The following KCNA3 variants were observed in gnomAD, a reference collection of about 807,000 sequenced individuals.
The protein encoded by KCNA3 is RP11-284N8.3.
A neutral mutation model predicts 34.3 loss-of-function variants in KCNA3; 18 were observed. The observed-to-expected ratio is 0.52, with a 90% CI of 0.36 to 0.78. KCNA3 has a LOEUF of 0.78. Among genes scored for constraint, KCNA3 ranks in the 30% least tolerant of loss-of-function variants. The pLI is 0.00. For missense variants in KCNA3, 587 were observed against 802.5 expected, an observed-to-expected ratio of 0.73 and a Z score of 3.24; for synonymous variants, 324 against 351.7, an observed-to-expected ratio of 0.92 and a Z score of 0.88.
At chr1:110,666,007 G>T in the KCNA3 span, among the ~76,000 whole-genome samples, 1 of 152,152 alleles carries the variant, frequency 6.6e-6, no homozygotes, top group Non-Finnish European at 1.5e-5. Context: ...GGGAGAGATA[G>T]TCCCCACTCT....
chr1:110,665,984 A>G, the KCNA3 span, among the ~76,000 whole-genome samples: 1 of 152,220 alleles, frequency 6.6e-6, no homozygotes, highest in African/African-American at 2.4e-5. Flanking sequence ...GAAGGGATTC[A>G]GTGGTGAACA....
chr1:110,672,941 A>G lies in KCNA3; in HGVS notation c.*141T>C, dbSNP rs1292874763. On this transcript the variant is annotated 3_prime_UTR_variant, in exon 1 of 1. Coordinates refer to ENST00000369769, the MANE Select transcript of KCNA3 (RefSeq NM_002232.5). The stretch of plus-strand genomic sequence containing the variant: ...TGTTTCAGTATGAAGCAGCAGGGAG[A>G]GGGAGAATGAAGTGTGCTTTCCACT... 2 of 818,702 alleles carry G rather than the reference A, an allele frequency of 2.4e-6. No homozygotes were observed. The highest frequency in any genetic ancestry group is 5.1e-5 in the Admixed American group (2 of 39,340). The allele number at this position is 818,702 out of a possible 1,614,324, so 50.7% of individuals were successfully genotyped here. A position where few individuals can be genotyped will look rare whatever the true frequency, so the allele number is the denominator to read the frequency against.
In KCNA3 at chr1:110,673,766, G is replaced by A. The variant is rs756328280; in HGVS notation, c.1044C>T (p.Ala348=). The A allele has an allele frequency of 1.9e-6, 3 of 1,614,112 alleles. No homozygotes were observed. Among genetic ancestry groups the A allele is most frequent in the Non-Finnish European group, 2.5e-6 (3 of 1,180,038 alleles). ...PYFITLGTEL[A]ERQGNGQQAM... The stretch of plus-strand genomic sequence containing the variant: ...CCTGCTGTCCATTGCCCTGTCGTTC[G>A]GCCAGCTCGGTACCCAGAGTGATAA... Residue 348 remains alanine, a synonymous_variant, in exon 1 of 1, where the codon GCC becomes GCT. Coordinates refer to ENST00000369769, the MANE Select transcript of KCNA3 (RefSeq NM_002232.5). This position sits in a 1 kb window ranked among gnomAD's most constrained non-coding sequence, Gnocchi z 8.8.
the KCNA3 span, among the ~76,000 whole-genome samples, chr1:110,663,051 G>A: frequency 6.6e-5 from 10 of 152,226 alleles, no homozygotes; most frequent in South Asian, 2.1e-3. Flanking sequence ...ATGTATTCAT[G>A]ACTATCTGAT....
downstream of KCNA3, among the ~76,000 whole-genome samples, chr1:110,670,852 C>T (rs1372476611): frequency 6.6e-6 from 1 of 152,116 alleles, no homozygotes. Context: ...CCTCTCTCTT[C>T]AATGCATGCA....
the KCNA3 span, among the ~76,000 whole-genome samples, chr1:110,666,711 G>A: frequency 6.6e-6 from 1 of 152,176 alleles, no homozygotes; most frequent in East Asian, 1.9e-4. Context: ...ACTTAATGTA[G>A]GATAGAGATG....
the KCNA3 span, among the ~76,000 whole-genome samples, chr1:110,663,615 G>A: frequency 6.6e-6 from 1 of 152,122 alleles, no homozygotes; most frequent in Non-Finnish European, 1.5e-5. Flanking sequence ...AAGTGCCTTG[G>A]TTACAATATT....
Position 110,674,610 on chromosome 1 carries a change from G to A in KCNA3, c.200C>T (p.Ala67Val), listed in dbSNP as rs1429139663. 1.9e-6 allele frequency: 3 copies of A among 1,562,360 alleles called. No individual in the cohort carries two copies. The highest frequency in any genetic ancestry group is 2.4e-5 in the East Asian group (1 of 40,834). The change falls in exon 1 of 1, where the codon GCC becomes GTC. Residue 67 changes from alanine (A) to valine (V), a missense_variant. Coordinates refer to ENST00000369769, the MANE Select transcript of KCNA3 (RefSeq NM_002232.5). The surrounding 1 kb of genome is among the most constrained non-coding windows in gnomAD (Gnocchi z 6.4). ...PGDHLLEPEV[A>V]DGGGAPPQGG... is the part of the protein sequence containing the mutation. ...TTGAGGCGGGGCCCCTCCACCATCG[G>A]CCACCTCCGGCTCCAGCAGGTGGTC...
downstream of KCNA3, among the ~76,000 whole-genome samples, chr1:110,669,584 C>T (rs1047330254): frequency 1.3e-5 from 2 of 152,116 alleles, no homozygotes; most frequent in African/African-American, 4.8e-5. Context: ...TAGGCTGAAG[C>T]CAAGTCTAAA....
chr1:110,663,276 T>C, the KCNA3 span, among the ~76,000 whole-genome samples: 3 of 152,208 alleles, frequency 2.0e-5, no homozygotes, highest in African/African-American at 7.2e-5. Flanking sequence ...ATATTTTATG[T>C]CATTTCTTTA....
chr1:110,674,600 T>TCCACCATCGG lies in KCNA3; in HGVS notation c.200_209dup (p.Gly71ArgfsTer252). ...CACAGCCGCCTTGAGGCGGGGCCCCTCCACCATCGGCCACCTCCGGCTCCA... is the reference window on the plus strand; with the variant it reads ...CACAGCCGCCTTGAGGCGGGGCCCCTCCACCATCGGCCACCATCGGCCACCTCCGGCTCCA... On this transcript the variant is annotated frameshift_variant, in exon 1 of 1. Coordinates refer to ENST00000369769, the MANE Select transcript of KCNA3 (RefSeq NM_002232.5). LOFTEE classifies it high-confidence loss of function. The surrounding 1 kb of genome is among the most constrained non-coding windows in gnomAD (Gnocchi z 6.4). 6.4e-7 allele frequency: 1 copy of TCCACCATCGG among 1,563,854 alleles called. No individual in the cohort carries two copies. The highest frequency in any genetic ancestry group is 8.6e-7 in the Non-Finnish European group (1 of 1,159,838).
the KCNA3 span, among the ~76,000 whole-genome samples, chr1:110,657,560 C>T: frequency 2.0e-5 from 3 of 152,112 alleles, no homozygotes; most frequent in African/African-American, 7.2e-5. Flanking sequence ...TTTTACTATC[C>T]TTTCTGTGAA....
the KCNA3 span, among the ~76,000 whole-genome samples, chr1:110,664,263 C>T: frequency 0.53 from 80,801 of 152,034 alleles, 21,643 homozygotes; most frequent in Middle Eastern, 0.59. Context: ...AGCACTCTAT[C>T]AGCTATTACG....
chr1:110,656,786 T>C, the KCNA3 span: 3 of 152,316 alleles, frequency 2.0e-5, no homozygotes, highest in East Asian at 1.9e-4. Context: ...TCATAGACAA[T>C]TTTCAAGTTA....
In KCNA3 at chr1:110,674,898, C is replaced by A; in HGVS notation, c.-89G>T. The A allele has an allele frequency of 7.9e-7, 1 of 1,267,710 alleles. No individual in the cohort carries two copies. The highest frequency in any genetic ancestry group is 4.2e-5 in the Admixed American group (1 of 23,566). The allele number at this position is 1,267,710 out of a possible 1,614,324, so 78.5% of individuals were successfully genotyped here. On this transcript the variant is annotated 5_prime_UTR_variant, in exon 1 of 1. Coordinates refer to ENST00000369769, the MANE Select transcript of KCNA3 (RefSeq NM_002232.5). The surrounding 1 kb of genome is among the most constrained non-coding windows in gnomAD (Gnocchi z 6.4). The stretch of plus-strand genomic sequence containing the variant: ...GCCGCCTCCGCCCCCGAGCCGAGCC[C>A]ACCGCCTGTTGCAGCCAAAGCCGCG...
chr1:110,655,118 C>A, the KCNA3 span: 1 of 152,060 alleles, frequency 6.6e-6, no homozygotes, highest in East Asian at 1.9e-4. Context: ...ATACTACATA[C>A]ACTGTTTGCT....
In KCNA3 at chr1:110,674,179, A is replaced by C. The variant is rs760063771; in HGVS notation, c.631T>G (p.Leu211Val). The change falls in exon 1 of 1, where the codon TTG (leucine) becomes GTG (valine). Residue 211 changes from leucine to valine, a missense_variant. Around this residue, in one of 7 missense-constraint regions of KCNA3, gnomAD observed 341 missense variants for 355.4 expected, o/e 0.96. Transcript: ENST00000369769. The surrounding 1 kb of genome is among the most constrained non-coding windows in gnomAD (Gnocchi z 6.4). The part of the protein sequence containing the change: ...EGFLREEERP[L>V]PRRDFQRQVW... ...TGGCGCTGGAAGTCGCGGCGGGGCA[A>C]GGGCCGCTCCTCCTCCCGCAGGAAG... 4 of 1,612,096 alleles carry C rather than the reference A, an allele frequency of 2.5e-6. No individual in the cohort carries two copies. Among genetic ancestry groups the C allele is most frequent in the Non-Finnish European group, 3.4e-6 (4 of 1,178,842 alleles).
At chr1:110,664,287 G>T in the KCNA3 span, among the ~76,000 whole-genome samples, 1 of 152,124 alleles carries the variant, frequency 6.6e-6, no homozygotes, top group Admixed American at 6.6e-5. Flanking sequence ...GAAAAAACAT[G>T]GTCTTTGTGA....
At position 110,674,784 on chromosome 1, in the gene KCNA3, C is replaced by G; in HGVS notation, c.26G>C (p.Arg9Pro). 1 of 1,337,024 alleles carries G rather than the reference C, an allele frequency of 7.5e-7. No homozygotes were observed. Among genetic ancestry groups the G allele is most frequent in the East Asian group, 3.1e-5 (1 of 32,264 alleles). The allele number at this position is 1,337,024 out of a possible 1,614,324, so 82.8% of individuals were successfully genotyped here. The change falls in exon 1 of 1, where the codon CGC becomes CCC. Residue 9 changes from arginine (R) to proline (P), a missense_variant. Arg to Pro is a moderately radical substitution (Grantham distance 103). Around this residue, in one of 7 missense-constraint regions of KCNA3, gnomAD observed 341 missense variants for 355.4 expected, o/e 0.96. Coordinates refer to ENST00000369769, the MANE Select transcript of KCNA3 (RefSeq NM_002232.5). This position sits in a 1 kb window ranked among gnomAD's most constrained non-coding sequence, Gnocchi z 6.4. ...GCGGGCTGAGGGCGGCGGCGGCGAG[C>G]GCAGAAGGCTGAGGCGCTCGTCCAT... Reference protein sequence around the residue: MDERLSLLRSPPPPSARHR... With the variant: MDERLSLLPSPPPPSARHR...
Sources: gnomAD v4.1 joint callset for allele counts (sites outside exome capture counted in the v4.1 genomes callset) on GRCh38, gnomAD v4.1.1 for gene constraint, gnomAD v4.1.1 regional missense constraint, Gnocchi (gnomAD v3.1) non-coding constraint, MANE v1.5 for transcripts, NCBI Gene and HGNC (gene_info 2026-07-23, HGNC 2026-07-21) for gene names.